The following ANKS1B variants were observed in gnomAD, a reference collection of about 807,000 sequenced individuals.
ANKS1B encodes the protein ankyrin repeat and sterile alpha motif domain-containing protein 1B.
ANKS1B carries 36 observed loss-of-function variants against 148.3 expected under a neutral mutation model. That is an observed-to-expected ratio of 0.24 (90% CI 0.19 to 0.32). ANKS1B has a LOEUF of 0.32. Ranked by LOEUF, ANKS1B falls within the 10% of genes least tolerant of loss-of-function variation. ANKS1B has a pLI of 1.00. For missense variants in ANKS1B, 1,157 were observed against 1,542.6 expected (o/e 0.75, Z 4.19); for synonymous variants, 542 against 560.8 (o/e 0.97, Z 0.47).
At chr12:99,941,944 C>A (rs2094930297) in intron 1 of ANKS1B, among the ~76,000 whole-genome samples, 1 of 152,112 alleles carries the variant, frequency 6.6e-6, no homozygotes, top group South Asian at 2.1e-4. Context: ...GACACACTGT[C>A]TTTGTGTGGA....
At chr12:99,286,111 T>C (rs2079086962) in intron 12 of ANKS1B, among the ~76,000 whole-genome samples, 2 of 151,438 alleles carry the variant, frequency 1.3e-5, no homozygotes, top group South Asian at 4.2e-4. Context: ...CTCAGCCAAC[T>C]CCAGGCAGCA....
intron 1 of ANKS1B, among the ~76,000 whole-genome samples, chr12:99,909,482 C>T (rs2093922557): frequency 6.6e-6 from 1 of 152,124 alleles, no homozygotes; most frequent in African/African-American, 2.4e-5. Context: ...ACTCAGTTTT[C>T]CATAGTGGCT....
intron 7 of ANKS1B, among the ~76,000 whole-genome samples, chr12:99,774,821 C>G (rs1056954534): frequency 1.7e-5 from 2 of 119,134 alleles, no homozygotes; most frequent in African/African-American, 6.4e-5. Context: ...TATTATTCAG[C>G]CTTAAAAAAG....
intron 1 of ANKS1B, among the ~76,000 whole-genome samples, chr12:99,843,720 T>C (rs2086148169): frequency 6.6e-6 from 1 of 152,122 alleles, no homozygotes; most frequent in African/African-American, 2.4e-5. Context: ...TGAACATACA[T>C]GTGCATGTAT....
intron 11 of ANKS1B, among the ~76,000 whole-genome samples, chr12:99,432,107 G>A (rs947364578): frequency 1.1e-4 from 16 of 152,152 alleles, no homozygotes; most frequent in African/African-American, 3.9e-4. Context: ...TTGACCTTCT[G>A]CCATGTTGTG....
intron 10 of ANKS1B, among the ~76,000 whole-genome samples, chr12:99,453,060 G>C (rs1013207248): frequency 2.6e-5 from 4 of 152,168 alleles, no homozygotes; most frequent in African/African-American, 9.7e-5. Flanking sequence ...GGAGGCCAAG[G>C]TGGGCGGATC....
chr12:99,532,343 T>G (rs542370941), intron 9 of ANKS1B, among the ~76,000 whole-genome samples: 39 of 152,282 alleles, frequency 2.6e-4, no homozygotes, highest in African/African-American at 3.1e-4. Context: ...TTAAGGTTTT[T>G]TTGTTGTTGT....
At chr12:99,186,045 G>C (rs560364579) in intron 14 of ANKS1B, among the ~76,000 whole-genome samples, 23 of 152,188 alleles carry the variant, frequency 1.5e-4, no homozygotes, top group African/African-American at 5.5e-4. Context: ...GGATGCTCCA[G>C]CTTGGTTGGG....
chr12:99,723,754 G>A (rs149113136), intron 8 of ANKS1B, among the ~76,000 whole-genome samples: 44 of 152,166 alleles, frequency 2.9e-4, no homozygotes, highest in African/African-American at 9.6e-4. Context: ...GCATCAGATC[G>A]GTGCTCCTCG....
intron 14 of ANKS1B, among the ~76,000 whole-genome samples, chr12:99,232,506 CTT>C (rs1566690323): frequency 1.3e-5 from 2 of 152,190 alleles, no homozygotes; most frequent in East Asian, 3.9e-4. Context: ...CATGTTTGCT[CTT>C]GTGTAATGAC....
At chr12:99,554,219 A>T (rs2097253298) in intron 9 of ANKS1B, among the ~76,000 whole-genome samples, 1 of 152,170 alleles carries the variant, frequency 6.6e-6, no homozygotes, top group Non-Finnish European at 1.5e-5. Context: ...CTTAAAGAAG[A>T]AAAGTAACCC....
At chr12:99,411,831 G>A (rs73151176) in intron 11 of ANKS1B, among the ~76,000 whole-genome samples, 15,410 of 152,122 alleles carry the variant, frequency 0.1, 804 homozygotes, top group Non-Finnish European at 0.13. Flanking sequence ...CTCCTAGTGC[G>A]TGGATATTGG....
intron 8 of ANKS1B, among the ~76,000 whole-genome samples, chr12:99,703,929 T>C (rs1267995588): frequency 6.6e-6 from 1 of 152,092 alleles, no homozygotes. Context: ...ATGATCAGTC[T>C]CTGAATAATA....
At chr12:99,648,620 A>G in intron 9 of ANKS1B, 1 of 1,614,210 alleles carries the variant, frequency 6.2e-7, no homozygotes, top group Non-Finnish European at 8.5e-7. Flanking sequence ...CGCTCTTTTT[A>G]TCTTCAGCTG....
chr12:99,330,352 A>G (rs2087265774), intron 12 of ANKS1B, among the ~76,000 whole-genome samples: 1 of 151,974 alleles, frequency 6.6e-6, no homozygotes, highest in African/African-American at 2.4e-5. Context: ...CATAAGAGAA[A>G]TGGAAGATTC....
intron 11 of ANKS1B, among the ~76,000 whole-genome samples, chr12:99,410,262 G>C (rs1031293314): frequency 6.6e-6 from 1 of 152,110 alleles, no homozygotes; most frequent in Non-Finnish European, 1.5e-5. Flanking sequence ...CTGTTTTCCT[G>C]CTACAGTAGC....
chr12:99,937,144 G>T (rs1168240521), intron 1 of ANKS1B, among the ~76,000 whole-genome samples: 1 of 152,124 alleles, frequency 6.6e-6, no homozygotes, highest in Non-Finnish European at 1.5e-5. Context: ...TGCCCCAGGG[G>T]CATGCTTCTT....
At chr12:99,043,018 C>G (rs2099960085) in intron 17 of ANKS1B, among the ~76,000 whole-genome samples, 1 of 152,174 alleles carries the variant, frequency 6.6e-6, no homozygotes. Context: ...TGGGTTTACC[C>G]CTAATATTTC....
chr12:99,777,337 G>C (rs1601916720), intron 6 of ANKS1B, among the ~76,000 whole-genome samples: 1 of 152,142 alleles, frequency 6.6e-6, no homozygotes, highest in East Asian at 1.9e-4. Context: ...CCAGTAATTA[G>C]AGAACTTCAA....
Sources: gnomAD v4.1 joint callset for allele counts (sites outside exome capture counted in the v4.1 genomes callset) on GRCh38, gnomAD v4.1.1 for gene constraint, MANE v1.5 for transcripts, NCBI Gene and HGNC (gene_info 2026-07-23, HGNC 2026-07-21) for gene names.